The following EXOC6 variants were observed in gnomAD, a reference collection of about 807,000 sequenced individuals.
The protein encoded by EXOC6 is SEC15-like 1.
Under a neutral mutation model 112.5 loss-of-function variants are expected in EXOC6, and 60 were observed. The observed-to-expected ratio is 0.53, with a 90% CI of 0.43 to 0.66. The LOEUF is 0.66. Ranked by LOEUF, EXOC6 falls within the 30% of genes least tolerant of loss-of-function variation. The probability of loss-of-function intolerance (pLI) is 0.00; values close to 1 mark genes in which losing one functional copy is unlikely to be tolerated. For missense variants in EXOC6, 855 were observed against 957.1 expected (o/e 0.89, Z 1.41); for synonymous variants, 295 against 308.0 (o/e 0.96, Z 0.44).
intron 18 of EXOC6, among the ~76,000 whole-genome samples, chr10:92,977,958 G>A (rs1842694708): frequency 1.3e-5 from 2 of 152,048 alleles, no homozygotes; most frequent in Admixed American, 1.3e-4. Context: ...ACGACATTTT[G>A]TATGGCTTTA....
At chr10:93,036,745 TAA>T (rs1169261891) in intron 20 of EXOC6, among the ~76,000 whole-genome samples, 1 of 152,170 alleles carries the variant, frequency 6.6e-6, no homozygotes, top group African/African-American at 2.4e-5. Context: ...TGGAAAAAAT[TAA>T]GTCATTTAAG....
At chr10:92,945,389 C>T (rs1439367317) in intron 13 of EXOC6, among the ~76,000 whole-genome samples, 3 of 152,096 alleles carry the variant, frequency 2.0e-5, no homozygotes, top group African/African-American at 7.2e-5. Context: ...GTTTATTTGT[C>T]TACTATGGCT....
chr10:93,058,532 C>A lies in EXOC6; in HGVS notation c.*177C>A. 4.5e-6 allele frequency: 2 copies of A among 446,206 alleles called. No individual in the cohort carries two copies. The highest frequency in any genetic ancestry group is 7.5e-6 in the Non-Finnish European group (2 of 268,334). 27.6% of individuals were successfully genotyped at this position (446,206 alleles called of 1,614,324 possible). On this transcript the variant is annotated 3_prime_UTR_variant, in exon 22 of 22. Coordinates refer to ENST00000260762, the MANE Select transcript of EXOC6 (RefSeq NM_019053.6). ...TCATTTGTATGGATTTTTAAATAAT[C>A]GAATACTATTTTATATATGGAAAAA...
At chr10:92,846,821 A>G (rs546359189), upstream of EXOC6, among the ~76,000 whole-genome samples, 2 of 152,354 alleles carry the variant, frequency 1.3e-5, no homozygotes, top group Admixed American at 6.5e-5. Context: ...TATGTGATTA[A>G]GGTTAAGGAC....
chr10:92,986,743 T>G (rs1189930727), intron 18 of EXOC6, among the ~76,000 whole-genome samples: 1 of 151,428 alleles, frequency 6.6e-6, no homozygotes, highest in Non-Finnish European at 1.5e-5. Context: ...GAAAAGTAAA[T>G]TAGGTAATTT....
intron 18 of EXOC6, among the ~76,000 whole-genome samples, chr10:92,994,349 G>C (rs1206777760): frequency 6.6e-6 from 1 of 152,162 alleles, no homozygotes; most frequent in Non-Finnish European, 1.5e-5. Flanking sequence ...ATGCAAAAAG[G>C]ATCTAATATG....
chr10:92,873,202 G>A (rs138252578), intron 1 of EXOC6, among the ~76,000 whole-genome samples: 54 of 152,272 alleles, frequency 3.5e-4, no homozygotes, highest in African/African-American at 1.2e-3. Context: ...GTAAAAACAG[G>A]AAGGAGGAAG....
chr10:92,916,594 C>T (rs955168190), intron 7 of EXOC6, among the ~76,000 whole-genome samples: 17 of 152,192 alleles, frequency 1.1e-4, no homozygotes, highest in Non-Finnish European at 2.4e-4. Flanking sequence ...AATTACAAGT[C>T]CTTTCTAGCA....
At chr10:92,982,327 A>G (rs1842855724) in intron 18 of EXOC6, among the ~76,000 whole-genome samples, 1 of 152,226 alleles carries the variant, frequency 6.6e-6, no homozygotes, top group South Asian at 2.1e-4. Flanking sequence ...AATGGCCTCA[A>G]GATCATGTTG....
chr10:92,997,648 A>C, intron 19 of EXOC6, 33 bp downstream of exon 19: 6 of 1,520,636 alleles, frequency 3.9e-6, no homozygotes, highest in Non-Finnish European at 5.3e-6. Context: ...CTTATGTATT[A>C]CTAGGAATCT....
intron 1 of EXOC6, among the ~76,000 whole-genome samples, chr10:92,858,025 C>CCT (rs1554882179): frequency 7.5e-6 from 1 of 133,714 alleles, no homozygotes; most frequent in Non-Finnish European, 1.6e-5. Flanking sequence ...GACGGGTTCC[C>CCT]CCCCTCCGCC....
chr10:92,859,082 T>C (rs1338201018), intron 1 of EXOC6, among the ~76,000 whole-genome samples: 1 of 152,182 alleles, frequency 6.6e-6, no homozygotes, highest in Non-Finnish European at 1.5e-5. Context: ...CGTGTTTTTC[T>C]GTTTATTGGT....
intron 4 of EXOC6, among the ~76,000 whole-genome samples, chr10:92,895,709 A>T (rs984797270): frequency 2.6e-5 from 4 of 151,124 alleles, no homozygotes; most frequent in Non-Finnish European, 5.9e-5. Context: ...TTAATTTTTA[A>T]TTTTTTTAGG....
At chr10:92,849,009 C>T (rs1847190580) in intron 1 of EXOC6, among the ~76,000 whole-genome samples, 2 of 152,264 alleles carry the variant, frequency 1.3e-5, no homozygotes, top group East Asian at 3.9e-4. Context: ...GGGCTGAGGG[C>T]TGCTCGGCCG....
At chr10:92,995,210 T>G (rs1589997672) in intron 18 of EXOC6, among the ~76,000 whole-genome samples, 1 of 152,096 alleles carries the variant, frequency 6.6e-6, no homozygotes, top group African/African-American at 2.4e-5. Flanking sequence ...TTTGTGTGTG[T>G]GTATGTATGT....
intron 19 of EXOC6, among the ~76,000 whole-genome samples, chr10:93,011,293 G>A (rs1227815955): frequency 4.0e-5 from 6 of 150,718 alleles, no homozygotes; most frequent in African/African-American, 1.2e-4. Context: ...ATCTTGCTTT[G>A]TCACCCAGGC....
At chr10:92,954,391 T>C (rs547630500) in intron 15 of EXOC6, among the ~76,000 whole-genome samples, 1 of 152,358 alleles carries the variant, frequency 6.6e-6, no homozygotes, top group South Asian at 2.1e-4. Flanking sequence ...TTTCTGTGGT[T>C]GTTAATTGGA....
intron 5 of EXOC6, 160 bp downstream of exon 5, chr10:92,899,804 C>T (rs1432548898): frequency 2.0e-6 from 1 of 497,648 alleles, no homozygotes; most frequent in Admixed American, 3.8e-5. Flanking sequence ...TCCACTAAAG[C>T]AAATCTTAGC....
intron 17 of EXOC6, among the ~76,000 whole-genome samples, chr10:92,971,837 G>A (rs1479174437): frequency 6.6e-6 from 1 of 151,948 alleles, no homozygotes; most frequent in African/African-American, 2.4e-5. Context: ...CCGTGTATTG[G>A]TCATACTTTG....
Sources: gnomAD v4.1 joint callset for allele counts (sites outside exome capture counted in the v4.1 genomes callset) on GRCh38, gnomAD v4.1.1 for gene constraint, MANE v1.5 for transcripts, NCBI Gene and HGNC (gene_info 2026-07-23, HGNC 2026-07-21) for gene names.